The following PCDH7 variants were observed in gnomAD, a reference collection of about 807,000 sequenced individuals.
PCDH7 encodes protocadherin-7.
PCDH7 carries 17 observed loss-of-function variants against 58.9 expected under a neutral mutation model. That is an observed-to-expected ratio of 0.29 (90% CI 0.20 to 0.43). PCDH7 has a LOEUF of 0.43. Ranked by LOEUF, PCDH7 falls within the 20% of genes least tolerant of loss-of-function variation. The pLI, the probability that PCDH7 is intolerant of heterozygous loss-of-function variation, is 1.00. For missense variants in PCDH7, 1,274 were observed against 1,441.0 expected (o/e 0.88, Z 1.88); for synonymous variants, 664 against 616.4 (o/e 1.08, Z -1.14).
At chr4:30,855,630 G>C (rs957064426) in intron 1 of PCDH7, among the ~76,000 whole-genome samples, 1 of 152,104 alleles carries the variant, frequency 6.6e-6, no homozygotes. Context: ...TTAATTTCTT[G>C]AAATCTGTTA....
chr4:30,754,161 GGTGTGTGT>G (rs137965585), intron 1 of PCDH7, among the ~76,000 whole-genome samples: 9 of 138,582 alleles, frequency 6.5e-5, no homozygotes, highest in South Asian at 2.2e-4. Context: ...GCAAACACTA[GGTGTGTGT>G]GTGTGTGTGT....
intron 3 of PCDH7, among the ~76,000 whole-genome samples, chr4:31,131,179 T>C (rs1415019297): frequency 6.6e-6 from 1 of 152,058 alleles, no homozygotes; most frequent in Non-Finnish European, 1.5e-5. Context: ...AGAGCTTGCT[T>C]CTCCGTGCAT....
Position 30,722,857 on chromosome 4 carries a change from G to A in PCDH7, c.1435G>A (p.Asp479Asn), listed in dbSNP as rs1273170181. The change falls in exon 1 of 2, where the codon GAC becomes AAC. Residue 479 changes from aspartate (D) to asparagine (N), a missense_variant. Transcript: ENST00000361762. This position sits in a 1 kb window ranked among gnomAD's most constrained non-coding sequence, Gnocchi z 7.6. ...CAAGCCAGCCAGCGACACCGAGGGC[G>A]ACCAGAACAAGAAAAAGTACTTCTT... is the stretch of plus-strand genomic sequence containing the variant. 6.4e-5 allele frequency: 103 copies of A among 1,613,820 alleles called. No individual in the cohort carries two copies. The highest frequency in any genetic ancestry group is 8.6e-5 in the Non-Finnish European group (101 of 1,180,032).
At chr4:30,994,263 A>C (rs1304997943) in intron 3 of PCDH7, among the ~76,000 whole-genome samples, 1 of 152,222 alleles carries the variant, frequency 6.6e-6, no homozygotes, top group Admixed American at 6.5e-5. Context: ...AAGCTGTAGA[A>C]TTTAGCCAGC....
At chr4:30,836,221 G>C (rs1022543231) in intron 1 of PCDH7, among the ~76,000 whole-genome samples, 2 of 152,114 alleles carry the variant, frequency 1.3e-5, no homozygotes, top group Non-Finnish European at 2.9e-5. Context: ...GGCATTATGA[G>C]TGGCACAGAA....
intron 1 of PCDH7, among the ~76,000 whole-genome samples, chr4:30,865,934 G>T (rs193117466): frequency 6.6e-6 from 1 of 152,166 alleles, no homozygotes; most frequent in Admixed American, 6.6e-5. Context: ...TTATCCTCTT[G>T]TTCGAATTTA....
intron 3 of PCDH7, among the ~76,000 whole-genome samples, chr4:30,974,581 A>G (rs1749898304): frequency 1.3e-5 from 2 of 152,298 alleles, no homozygotes; most frequent in South Asian, 4.1e-4. Context: ...TTGGCTAAGT[A>G]AAAATATTAA....
chr4:30,969,416 G>A (rs1221015398), intron 3 of PCDH7, among the ~76,000 whole-genome samples: 2 of 151,918 alleles, frequency 1.3e-5, no homozygotes, highest in African/African-American at 4.8e-5. Context: ...GAACCTTTTA[G>A]GAGCTAAAGG....
chr4:30,964,253 T>TA lies in PCDH7; in HGVS notation c.*7+14038_*7+14039insA, dbSNP rs1450697363. On this transcript the variant is annotated intron_variant, in intron 3 of 3. Transcript: ENST00000509759. ...TTATTTATTTATTTATTTATTTATT[T>TA]TTTTTTGAGATGAAATCTGGCTCTG... Among the ~76,000 whole-genome samples, 82 of 147,610 alleles carry TA rather than the reference T, an allele frequency of 5.6e-4. 1 individual carries two copies. In the South Asian group the frequency reaches 0.011, roughly 20 times the overall value.
intron 3 of PCDH7, among the ~76,000 whole-genome samples, chr4:31,045,719 A>G (rs1254698864): frequency 6.6e-6 from 1 of 151,866 alleles, no homozygotes; most frequent in Non-Finnish European, 1.5e-5. Context: ...AACCAATACT[A>G]CCCCATCTAC....
chr4:31,024,727 T>C (rs1001459213), intron 3 of PCDH7, among the ~76,000 whole-genome samples: 1 of 152,078 alleles, frequency 6.6e-6, no homozygotes, highest in African/African-American at 2.4e-5. Context: ...CATAGGAACC[T>C]GGGTTTTCTG....
intron 1 of PCDH7, among the ~76,000 whole-genome samples, chr4:30,773,180 G>A (rs1339626241): frequency 1.3e-5 from 2 of 152,214 alleles, no homozygotes; most frequent in African/African-American, 4.8e-5. Flanking sequence ...TGGGATTACA[G>A]TCATGAGCTA....
chr4:30,870,821 G>A (rs1735483663), intron 1 of PCDH7, among the ~76,000 whole-genome samples: 1 of 152,090 alleles, frequency 6.6e-6, no homozygotes, highest in South Asian at 2.1e-4. Context: ...GCCTCAGATT[G>A]ATCTTCAAGC....
At chr4:30,725,296 A>T (rs1266314363) in intron 1 of PCDH7, 2 of 994,000 alleles carry the variant, frequency 2.0e-6, no homozygotes, top group Non-Finnish European at 2.4e-6. Context: ...GTTTGGTATT[A>T]AAAGTTTGCA....
At chr4:30,848,520 G>C (rs1361665972) in intron 1 of PCDH7, among the ~76,000 whole-genome samples, 1 of 152,016 alleles carries the variant, frequency 6.6e-6, no homozygotes, top group East Asian at 1.9e-4. Context: ...GATGCAATGA[G>C]GGCTGTGTGC....
At chr4:30,804,909 C>T (rs1013673354) in intron 1 of PCDH7, among the ~76,000 whole-genome samples, 8 of 152,190 alleles carry the variant, frequency 5.3e-5, no homozygotes, top group African/African-American at 1.9e-4. Flanking sequence ...CTATTAGTCA[C>T]ATCTTAAGGT....
chr4:30,881,029 A>G (rs1048155205), intron 1 of PCDH7, among the ~76,000 whole-genome samples: 1 of 152,174 alleles, frequency 6.6e-6, no homozygotes, highest in African/African-American at 2.4e-5. Context: ...AGACCATCAG[A>G]TTAGCTTTCA....
chr4:30,763,841 A>G (rs1720356215), intron 1 of PCDH7, among the ~76,000 whole-genome samples: 1 of 152,198 alleles, frequency 6.6e-6, no homozygotes, highest in Admixed American at 6.5e-5. Flanking sequence ...ATATATTTAC[A>G]CATTTTGAAC....
At chr4:30,864,159 C>T (rs1217204097) in intron 1 of PCDH7, among the ~76,000 whole-genome samples, 1 of 151,700 alleles carries the variant, frequency 6.6e-6, no homozygotes, top group Admixed American at 6.6e-5. Flanking sequence ...CCTTTTCATT[C>T]ATTTATATGT....
Sources: gnomAD v4.1 joint callset for allele counts (sites outside exome capture counted in the v4.1 genomes callset) on GRCh38, gnomAD v4.1.1 for gene constraint, Gnocchi (gnomAD v3.1) non-coding constraint, MANE v1.5 for transcripts, NCBI Gene and HGNC (gene_info 2026-07-23, HGNC 2026-07-21) for gene names.